EPHA6: variants seen among roughly 807,000 people sequenced by gnomAD.
EPHA6 encodes the protein EPH receptor A6.
A neutral mutation model predicts 112.0 loss-of-function variants in EPHA6; 50 were observed. That is an observed-to-expected ratio of 0.45 (90% confidence interval 0.36 to 0.56). The LOEUF (loss-of-function observed/expected upper bound fraction) is 0.56, where lower values mean the gene tolerates loss of function less well. Ranked by LOEUF, EPHA6 falls within the 20% of genes least tolerant of loss-of-function variation. EPHA6 has a pLI of 0.00. For missense variants in EPHA6, 1,280 were observed against 1,417.4 expected, an observed-to-expected ratio of 0.90 and a Z score of 1.56; for synonymous variants, 529 against 490.7, an observed-to-expected ratio of 1.08 and a Z score of -1.03.
chr3:97,035,712 T>C (rs1489922368), intron 3 of EPHA6, among the ~76,000 whole-genome samples: 1 of 152,052 alleles, frequency 6.6e-6, no homozygotes, highest in Admixed American at 6.6e-5. Flanking sequence ...GATCTCTGCT[T>C]CTTGAGTTAC....
chr3:97,462,399 T>G (rs2090920128), intron 7 of EPHA6, among the ~76,000 whole-genome samples: 1 of 152,060 alleles, frequency 6.6e-6, no homozygotes, highest in Admixed American at 6.6e-5. Flanking sequence ...AAGGAAATAA[T>G]TAAAAAGAAG....
chr3:97,048,492 A>G (rs569057188), intron 3 of EPHA6, among the ~76,000 whole-genome samples: 1 of 152,306 alleles, frequency 6.6e-6, no homozygotes, highest in African/African-American at 2.4e-5. Flanking sequence ...ATTGAATGTA[A>G]TTGAACATAA....
intron 5 of EPHA6, among the ~76,000 whole-genome samples, chr3:97,267,758 G>A (rs1227259719): frequency 6.6e-6 from 1 of 152,008 alleles, no homozygotes; most frequent in African/African-American, 2.4e-5. Context: ...GGCCCAAGAA[G>A]GAGTTGTATA....
At chr3:97,157,494 T>A (rs2076314927) in intron 3 of EPHA6, among the ~76,000 whole-genome samples, 1 of 152,146 alleles carries the variant, frequency 6.6e-6, no homozygotes, top group South Asian at 2.1e-4. Flanking sequence ...AGTCCATGTT[T>A]AATATACCTT....
chr3:97,480,164 C>A (rs921980222), intron 9 of EPHA6, among the ~76,000 whole-genome samples: 1 of 151,802 alleles, frequency 6.6e-6, no homozygotes, highest in African/African-American at 2.4e-5. Context: ...AAGTGAGGAA[C>A]TTTTATTTTT....
chr3:96,898,228 C>G (rs1313892727), intron 2 of EPHA6, among the ~76,000 whole-genome samples: 6 of 152,126 alleles, frequency 3.9e-5, no homozygotes, highest in Non-Finnish European at 8.8e-5. Context: ...ATTATCCAAA[C>G]TATTTGAAAA....
chr3:97,527,753 A>G (rs2092641114), intron 10 of EPHA6, among the ~76,000 whole-genome samples: 1 of 152,120 alleles, frequency 6.6e-6, no homozygotes, highest in Admixed American at 6.6e-5. Context: ...GTACTCGTCG[A>G]TACTCAGGAG....
At chr3:97,524,167 T>A (rs2092586305) in intron 10 of EPHA6, among the ~76,000 whole-genome samples, 1 of 151,978 alleles carries the variant, frequency 6.6e-6, no homozygotes, top group Non-Finnish European at 1.5e-5. Context: ...TTGTCTTTCT[T>A]CCAATCTTAC....
chr3:97,076,572 T>C (rs2046533786), intron 3 of EPHA6, among the ~76,000 whole-genome samples: 1 of 152,164 alleles, frequency 6.6e-6, no homozygotes, highest in Non-Finnish European at 1.5e-5. Context: ...CCAGAAGATC[T>C]AGCTAATATA....
intron 1 of EPHA6, among the ~76,000 whole-genome samples, chr3:96,839,597 ATAATAT>A (rs1470762619): frequency 2.6e-5 from 4 of 152,166 alleles, no homozygotes; most frequent in East Asian, 1.9e-4. Context: ...GAAATGAGAA[ATAATAT>A]TAATATTAAT....
chr3:97,039,064 T>G (rs988055994), intron 3 of EPHA6, among the ~76,000 whole-genome samples: 4 of 152,034 alleles, frequency 2.6e-5, no homozygotes, highest in African/African-American at 9.7e-5. Flanking sequence ...GTGAGACATT[T>G]AAAGGAGTTG....
At chr3:97,445,103 C>A (rs949962052) in intron 6 of EPHA6, among the ~76,000 whole-genome samples, 8 of 151,948 alleles carry the variant, frequency 5.3e-5, no homozygotes, top group African/African-American at 1.9e-4. Context: ...ACAAATATGT[C>A]AAACAGGAAT....
chr3:97,539,005 T>TTCTTTCTC (rs2092802951), intron 11 of EPHA6, among the ~76,000 whole-genome samples: 1 of 150,234 alleles, frequency 6.7e-6, no homozygotes, highest in African/African-American at 2.5e-5. Context: ...CTTTCTTTCT[T>TTCTTTCTC]TCTTTCTTTC....
At chr3:97,545,344 A>G (rs888826198) in intron 11 of EPHA6, among the ~76,000 whole-genome samples, 1 of 152,178 alleles carries the variant, frequency 6.6e-6, no homozygotes, top group Non-Finnish European at 1.5e-5. Flanking sequence ...ATTCAGGAGC[A>G]GGTTGTTCAG....
chr3:97,384,631 C>G (rs1199193716), intron 5 of EPHA6, among the ~76,000 whole-genome samples: 3 of 152,186 alleles, frequency 2.0e-5, no homozygotes, highest in African/African-American at 7.2e-5. Flanking sequence ...ACAGAATAAA[C>G]TTTTGAAAGG....
chr3:97,618,388 A>T (rs556355150), intron 13 of EPHA6, among the ~76,000 whole-genome samples: 1 of 152,238 alleles, frequency 6.6e-6, no homozygotes, highest in East Asian at 1.9e-4. Context: ...AGGAGCAAAC[A>T]AATCCCAAAG....
At chr3:96,914,761 T>G (rs75335959) in intron 2 of EPHA6, among the ~76,000 whole-genome samples, 11,236 of 152,092 alleles carry the variant, frequency 0.074, 792 homozygotes, top group Admixed American at 0.21. Flanking sequence ...TAGAGTAAAG[T>G]TGTATATTTT....
chr3:97,221,202 C>T (rs982200364), intron 3 of EPHA6, among the ~76,000 whole-genome samples: 11 of 145,090 alleles, frequency 7.6e-5, no homozygotes, highest in African/African-American at 2.3e-4. Context: ...GAACCCAACT[C>T]GGGAGGCTGA....
chr3:96,862,314 T>C (rs1273387400), intron 1 of EPHA6, among the ~76,000 whole-genome samples: 2 of 151,940 alleles, frequency 1.3e-5, no homozygotes, highest in African/African-American at 4.8e-5. Flanking sequence ...ACTGATGTGC[T>C]GTTACTGAGT....
Sources: allele counts gnomAD v4.1 joint callset (sites outside exome capture counted in the v4.1 genomes callset), GRCh38; gene constraint gnomAD v4.1.1; transcripts MANE v1.5; gene names NCBI Gene and HGNC (gene_info 2026-07-23, HGNC 2026-07-21).